The following ZNF248 variants were observed in gnomAD, a reference collection of about 807,000 sequenced individuals.
ZNF248 encodes the protein zinc finger protein 248, also known as KRAB protein domain.
A neutral mutation model predicts 44.3 loss-of-function variants in ZNF248; 20 were observed. That is an observed-to-expected ratio of 0.45 (90% CI 0.32 to 0.66). ZNF248 has a LOEUF of 0.66. Ranked by LOEUF, ZNF248 falls within the 30% of genes least tolerant of loss-of-function variation. The pLI is 0.04. For missense variants in ZNF248, 654 were observed against 677.0 expected, an observed-to-expected ratio of 0.97 and a Z score of 0.38; for synonymous variants, 224 against 229.0, an observed-to-expected ratio of 0.98 and a Z score of 0.20.
intron 6 of ZNF248, among the ~76,000 whole-genome samples, chr10:37,808,784 CT>C (rs1256255230): frequency 1.3e-5 from 2 of 151,882 alleles, no homozygotes; most frequent in Non-Finnish European, 2.9e-5. Context: ...TTGGAAGAGC[CT>C]AAAAAAGACT....
chr10:37,846,328 T>A (rs927685739), intron 3 of ZNF248, among the ~76,000 whole-genome samples: 2 of 152,152 alleles, frequency 1.3e-5, no homozygotes, highest in African/African-American at 4.8e-5. Flanking sequence ...TCAATGACTT[T>A]CAAACATTAC....
At chr10:37,852,391 G>C (rs1273919980) in intron 3 of ZNF248, among the ~76,000 whole-genome samples, 4 of 152,150 alleles carry the variant, frequency 2.6e-5, no homozygotes, top group Non-Finnish European at 5.9e-5. Flanking sequence ...GGTTAATGTT[G>C]TATGTTTCCT....
At chr10:37,790,735 AT>A (rs112255839) in intron 6 of ZNF248, among the ~76,000 whole-genome samples, 3 of 147,564 alleles carry the variant, frequency 2.0e-5, no homozygotes, top group African/African-American at 7.3e-5. Flanking sequence ...TAAATAAATA[AT>A]TTTTTAAAAA....
At chr10:37,846,693 G>A (rs560982269) in intron 3 of ZNF248, among the ~76,000 whole-genome samples, 1 of 152,178 alleles carries the variant, frequency 6.6e-6, no homozygotes, top group East Asian at 1.9e-4. Context: ...ATGTTATGTG[G>A]CCCTGATGGA....
At chr10:37,820,501 G>A (rs915951049) in intron 6 of ZNF248, 38 of 1,600,340 alleles carry the variant, frequency 2.4e-5, no homozygotes, top group Non-Finnish European at 2.8e-5. Flanking sequence ...GATTGGATAA[G>A]GAATGTTGCG....
chr10:37,854,482 C>T (rs1339104888), intron 3 of ZNF248, among the ~76,000 whole-genome samples: 2 of 152,180 alleles, frequency 1.3e-5, no homozygotes, highest in Non-Finnish European at 2.9e-5. Flanking sequence ...ACGTATTCAA[C>T]CTCACTCAGT....
intron 6 of ZNF248, chr10:37,820,535 A>T (rs2053297093): frequency 6.2e-7 from 1 of 1,601,882 alleles, no homozygotes; most frequent in South Asian, 1.1e-5. Context: ...AACTGGTGCA[A>T]CACTTCTGCC....
chr10:37,818,784 T>C (rs2052981915), intron 6 of ZNF248: 4 of 802,438 alleles, frequency 5.0e-6, no homozygotes, highest in Non-Finnish European at 8.3e-6. Flanking sequence ...ACGCCTTTGC[T>C]TCAGGTGTTA....
chr10:37,763,719 C>T, the ZNF248 span, among the ~76,000 whole-genome samples: 1 of 152,140 alleles, frequency 6.6e-6, no homozygotes, highest in African/African-American at 2.4e-5. Flanking sequence ...GGACCCTGAA[C>T]AGAGGGACCG....
chr10:37,780,865 A>G (rs532535216), intron 6 of ZNF248, among the ~76,000 whole-genome samples: 30 of 152,108 alleles, frequency 2.0e-4, no homozygotes, highest in African/African-American at 7.0e-4. Context: ...CCGCTCCCGG[A>G]GTGGTGTATA....
chr10:37,824,863 T>C (rs1390575068), downstream of ZNF248, among the ~76,000 whole-genome samples: 1 of 147,224 alleles, frequency 6.8e-6, no homozygotes, highest in Non-Finnish European at 1.5e-5. Flanking sequence ...TTTTTTTTTT[T>C]TTTTTTAGTA....
intron 3 of ZNF248, among the ~76,000 whole-genome samples, chr10:37,850,541 C>T (rs1374795013): frequency 6.6e-6 from 1 of 152,136 alleles, no homozygotes; most frequent in Non-Finnish European, 1.5e-5. Context: ...CAATATTAAA[C>T]CTTACTATAT....
At chr10:37,796,561 C>T (rs1444085018) in intron 6 of ZNF248, among the ~76,000 whole-genome samples, 1 of 152,090 alleles carries the variant, frequency 6.6e-6, no homozygotes, top group Admixed American at 6.6e-5. Context: ...AAATGATGAT[C>T]TATCGTTGTG....
intron 6 of ZNF248, among the ~76,000 whole-genome samples, chr10:37,780,604 T>G (rs1425473658): frequency 6.6e-6 from 1 of 152,206 alleles, no homozygotes; most frequent in Non-Finnish European, 1.5e-5. Flanking sequence ...CCCACGCAGG[T>G]CCATCCTCTG....
In ZNF248 at chr10:37,831,960, T is replaced by C. The variant is rs1471288961; in HGVS notation, c.1395A>G (p.Glu465=). 6.2e-6 allele frequency: 10 copies of C among 1,612,354 alleles called. No individual in the cohort carries two copies. The highest frequency in any genetic ancestry group is 2.2e-5 in the East Asian group (1 of 44,776). ...QRTHTGEKPY[E]CNACGKSFCH... ...AGAAGGATTTCCCACATGCATTACA[T>C]TCATAGGGCTTCTCCCCTGTGTGTG... The change falls in exon 6 of 6, where the codon GAA becomes GAG. Residue 465 remains glutamate (E), a synonymous_variant. Coordinates refer to ENST00000395867, the MANE Select transcript of ZNF248 (RefSeq NM_021045.3).
At chr10:37,780,703 ACG>A (rs1371080335) in intron 6 of ZNF248, among the ~76,000 whole-genome samples, 1 of 151,888 alleles carries the variant, frequency 6.6e-6, no homozygotes, top group South Asian at 2.1e-4. Flanking sequence ...CGGGGCCTGG[ACG>A]CGCGCGCACG....
intron 3 of ZNF248, among the ~76,000 whole-genome samples, chr10:37,843,327 A>T (rs1009630623): frequency 1.1e-4 from 17 of 151,214 alleles, no homozygotes; most frequent in Non-Finnish European, 2.4e-4. Context: ...AGGGAGGCTG[A>T]TGTAGGAGAA....
chr10:37,766,258 T>A, the ZNF248 span, among the ~76,000 whole-genome samples: 1 of 152,036 alleles, frequency 6.6e-6, no homozygotes, highest in African/African-American at 2.4e-5. Context: ...TTGAAGAGAG[T>A]AGTGGTTCTC....
chr10:37,847,788 T>C (rs956283751), intron 3 of ZNF248, among the ~76,000 whole-genome samples: 11 of 152,194 alleles, frequency 7.2e-5, no homozygotes, highest in African/African-American at 2.7e-4. Flanking sequence ...TGGGTCAAAG[T>C]AAAAGTGAGA....
Sources: gnomAD v4.1 joint callset for allele counts (sites outside exome capture counted in the v4.1 genomes callset) on GRCh38, gnomAD v4.1.1 for gene constraint, MANE v1.5 for transcripts, NCBI Gene and HGNC (gene_info 2026-07-23, HGNC 2026-07-21) for gene names.